USP50: variants seen among roughly 807,000 people sequenced by gnomAD.
The protein encoded by USP50 is ubiquitin carboxyl-terminal hydrolase 50.
Under a neutral mutation model 39.2 loss-of-function variants are expected in USP50, and 37 were observed. That is an observed-to-expected ratio of 0.94 (90% CI 0.73 to 1.24). The LOEUF (loss-of-function observed/expected upper bound fraction) is 1.24. Among genes scored for constraint, USP50 ranks in the 50% most tolerant of loss-of-function variants. The pLI is 0.00. For missense variants in USP50, 374 were observed against 398.2 expected, an observed-to-expected ratio of 0.94 and a Z score of 0.52; for synonymous variants, 139 against 144.5, an observed-to-expected ratio of 0.96 and a Z score of 0.27.
chr15:50,514,676 A>C (rs1464438822), intron 6 of USP50, among the ~76,000 whole-genome samples: 1 of 151,686 alleles, frequency 6.6e-6, no homozygotes. Context: ...TTACAGGCGC[A>C]TGCCACCACA....
chr15:50,535,144 C>T (rs2052969973), intron 5 of USP50, among the ~76,000 whole-genome samples: 1 of 151,854 alleles, frequency 6.6e-6, no homozygotes, highest in Non-Finnish European at 1.5e-5. Flanking sequence ...GTCACACACA[C>T]ACACACACAC....
In USP50 at chr15:50,525,472, GTGTGTGTGTATATATATGTATATATGTA is replaced by G. The variant is rs1417794505; in HGVS notation, c.936+4297_936+4324del. Among the ~76,000 whole-genome samples, 8 of 149,728 alleles carry G rather than the reference GTGTGTGTGTATATATATGTATATATGTA, an allele frequency of 5.3e-5. No homozygotes were observed. In the East Asian group the frequency reaches 9.7e-4, roughly 18 times the overall value. ...TTTAATCATTCCACATTTTGTGTGT[GTGTGTGTGTATATATATGTATATATGTA>G]TGTGTGTGTATATATATGTATATAT... On this transcript the variant is annotated intron_variant, in intron 6 of 6. Transcript: ENST00000532404.
chr15:50,516,866 G>T (rs1298588081), intron 6 of USP50, among the ~76,000 whole-genome samples: 1 of 151,790 alleles, frequency 6.6e-6, no homozygotes, highest in Non-Finnish European at 1.5e-5. Flanking sequence ...TCATCAAGGG[G>T]ATATAGCTAT....
chr15:50,496,203 G>A (rs560018416), downstream of USP50: 33 of 814,508 alleles, frequency 4.1e-5, 1 homozygote, highest in South Asian at 3.4e-4. Flanking sequence ...AAACTCGGCC[G>A]GGCGCAGTGG....
chr15:50,505,231 AAAAAT>A (rs2052642885), intron 6 of USP50: 1 of 152,182 alleles, frequency 6.6e-6, no homozygotes, highest in South Asian at 2.1e-4. Flanking sequence ...AGGGATAAAT[AAAAAT>A]AATACTGCAG....
chr15:50,525,715 GTATATGTA>G (rs2052891518), intron 6 of USP50, among the ~76,000 whole-genome samples: 1 of 80,848 alleles, frequency 1.2e-5, no homozygotes, highest in African/African-American at 4.2e-5. Context: ...ATGTATATAT[GTATATGTA>G]TATATGTATA....
intron 6 of USP50, among the ~76,000 whole-genome samples, chr15:50,519,988 T>C (rs150702288): frequency 7.9e-5 from 12 of 152,152 alleles, no homozygotes; most frequent in East Asian, 5.8e-4. Context: ...CTCATGTTTA[T>C]TGCAGCACTA....
At chr15:50,512,798 A>G (rs907336988) in intron 6 of USP50, 2 of 102,448 alleles carry the variant, frequency 2.0e-5, no homozygotes, top group East Asian at 1.3e-3. Context: ...TCTCAAAAAC[A>G]AACAAAACAA....
At chr15:50,538,979 C>T in intron 4 of USP50, 128 bp from the exon 5 acceptor site, 1 of 978,250 alleles carries the variant, frequency 1.0e-6, no homozygotes, top group Non-Finnish European at 1.4e-6. Flanking sequence ...GTCAACAAAT[C>T]CAGAAGACAA....
chr15:50,542,196 T>C (rs2053034888), intron 3 of USP50, among the ~76,000 whole-genome samples: 1 of 152,158 alleles, frequency 6.6e-6, no homozygotes, highest in Non-Finnish European at 1.5e-5. Context: ...AGAGCCTCAG[T>C]GGAATATACA....
intron 5 of USP50, chr15:50,532,273 AC>A (rs1187482338): frequency 3.5e-5 from 16 of 454,820 alleles, no homozygotes; most frequent in Non-Finnish European, 6.2e-5. Flanking sequence ...AGGCTAAAGC[AC>A]CCTGTTCGTA....
intron 6 of USP50, chr15:50,501,639 T>C (rs889197272): frequency 4.6e-5 from 7 of 151,884 alleles, no homozygotes; most frequent in African/African-American, 1.5e-4. Flanking sequence ...CCCCATAGGG[T>C]ACAAAAAATA....
At position 50,500,771 on chromosome 15, in the gene USP50, A is replaced by G; in HGVS notation, c.1003T>C (p.Ter335ArgextTer38). Residue 335 changes from the stop codon to arginine, a stop_lost, in exon 7 of 7, where the codon TGA becomes CGA. Transcript: ENST00000532404. ...ACTCGTGTGTTATCAAAGCTATATC[A>G]GGCCTGGGTGACTGAATTCTTGCAG... ...AFCKNSVTQA[*>R] 6.3e-7 allele frequency: 1 copy of G among 1,586,764 alleles called. No homozygotes were observed. Among genetic ancestry groups the G allele is most frequent in the Non-Finnish European group, 8.6e-7 (1 of 1,165,740 alleles).
At chr15:50,532,152 A>C (rs2052945390) in intron 5 of USP50, 3 of 456,172 alleles carry the variant, frequency 6.6e-6, no homozygotes, top group Non-Finnish European at 1.3e-5. Context: ...CAGGGGGACC[A>C]CACTTTGTGA....
Position 50,546,484 on chromosome 15 carries a change from G to GA in USP50, c.41dup (p.Tyr15LeufsTer12). On this transcript the variant is annotated frameshift_variant, in exon 1 of 7. Coordinates refer to ENST00000532404, the MANE Select transcript of USP50 (RefSeq NM_203494.5). LOFTEE classifies it high-confidence loss of function. ...AGATCAAGGCTCACAGGACGTGGTA[G>GA]ATATCGAAGTCATCTGCAGGGAGAG... is the stretch of plus-strand genomic sequence containing the variant. 6.2e-7 allele frequency: 1 copy of GA among 1,613,712 alleles called. No homozygotes were observed. Among genetic ancestry groups the GA allele is most frequent in the Non-Finnish European group, 8.5e-7 (1 of 1,179,654 alleles).
downstream of USP50, chr15:50,493,995 A>C (rs992269540): frequency 1.3e-6 from 2 of 1,509,480 alleles, no homozygotes; most frequent in African/African-American, 2.8e-5. Context: ...TCATGTTGAC[A>C]TCAAGAATCT....
Position 50,546,501 on chromosome 15 carries a change from C to T in USP50, c.25G>A (p.Ala9Thr), listed in dbSNP as rs2053072215. 6.2e-7 allele frequency: 1 copy of T among 1,613,680 alleles called. No homozygotes were observed. The highest frequency in any genetic ancestry group is 1.3e-5 in the African/African-American group (1 of 75,048). MTSQPSLP[A>T]DDFDIYHVLA... ...ACGTGGTAGATATCGAAGTCATCTGCAGGGAGAGACGGCTGAGAAGTCATT... is the reference window on the plus strand; with the variant it reads ...ACGTGGTAGATATCGAAGTCATCTGTAGGGAGAGACGGCTGAGAAGTCATT... The change falls in exon 1 of 7, where the codon GCA (alanine) becomes ACA (threonine). Residue 9 changes from alanine (A) to threonine (T), a missense_variant. Physicochemically the swap from Ala to Thr is moderately conservative, Grantham distance 58. Transcript: ENST00000532404.
downstream of USP50, among the ~76,000 whole-genome samples, chr15:50,496,415 A>G (rs578107442): frequency 1.4e-5 from 2 of 146,772 alleles, no homozygotes; most frequent in Non-Finnish European, 3.0e-5. Context: ...CTGGAGGCGG[A>G]GTTTACAGTG....
intron 5 of USP50, among the ~76,000 whole-genome samples, chr15:50,530,997 G>A (rs1244161425): frequency 3.3e-5 from 5 of 151,720 alleles, no homozygotes; most frequent in Non-Finnish European, 7.4e-5. Context: ...TTCACATTCT[G>A]TATTGTTACA....
Sources: gnomAD v4.1 joint callset for allele counts (sites outside exome capture counted in the v4.1 genomes callset) on GRCh38, gnomAD v4.1.1 for gene constraint, MANE v1.5 for transcripts, NCBI Gene and HGNC (gene_info 2026-07-23, HGNC 2026-07-21) for gene names.